Variants in GPR55 observed in about 807,000 individuals in gnomAD.
GPR55 encodes the protein G protein-coupled receptor 55.
A neutral mutation model predicts 7.9 loss-of-function variants in GPR55; 6 were observed. The observed-to-expected ratio is 0.76, with a 90% CI of 0.41 to 1.49. The LOEUF is 1.49. Ranked by LOEUF, GPR55 falls within the 40% of genes most tolerant of loss-of-function variation. The pLI, the probability that GPR55 is intolerant of heterozygous loss-of-function variation, is 0.01. For synonymous variants in GPR55, 183 were observed against 166.8 expected (o/e 1.10, Z -0.75); for missense variants, 376 against 406.0 (o/e 0.93, Z 0.63).
At position 230,909,882 on chromosome 2, in the gene GPR55, A is replaced by G. The variant is rs911887128; in HGVS notation, c.*121T>C. 36 of 1,043,870 alleles carry G rather than the reference A, an allele frequency of 3.4e-5. No homozygotes were observed. Among genetic ancestry groups the G allele is most frequent in the Non-Finnish European group, 3.5e-5 (25 of 705,126 alleles). 64.7% of individuals were successfully genotyped at this position (1,043,870 alleles called of 1,614,324 possible). ...CAAAGCTGGCACTCAATGGGCATCA[A>G]AGGGAAGCACATCAGTGAAGATGGT... On this transcript the variant is annotated 3_prime_UTR_variant, in exon 2 of 2. Coordinates refer to ENST00000650999, the MANE Select transcript of GPR55 (RefSeq NM_005683.4).
chr2:230,960,267 ACT>A (rs1691548055), intron 1 of GPR55, among the ~76,000 whole-genome samples: 1 of 152,214 alleles, frequency 6.6e-6, no homozygotes, highest in Admixed American at 6.5e-5. Context: ...ACAGGAAACA[ACT>A]TTTTAGACTG....
intron 1 of GPR55, among the ~76,000 whole-genome samples, chr2:230,958,663 T>C (rs1369045394): frequency 6.6e-6 from 1 of 152,194 alleles, no homozygotes; most frequent in Non-Finnish European, 1.5e-5. Context: ...ACATGCAATG[T>C]TTGTCTTTTA....
upstream of GPR55, among the ~76,000 whole-genome samples, chr2:230,926,570 C>A (rs1690946114): frequency 3.3e-5 from 5 of 152,296 alleles, no homozygotes; most frequent in South Asian, 1.0e-3. Context: ...TACCCAGAGC[C>A]TGCAATGTGA....
intron 1 of GPR55, among the ~76,000 whole-genome samples, chr2:230,952,448 C>T (rs1398839016): frequency 5.3e-5 from 8 of 152,214 alleles, no homozygotes; most frequent in South Asian, 2.1e-4. Context: ...CACAGCCCTC[C>T]GTGGGATGTC....
At chr2:230,959,390 A>G (rs1343075604) in intron 1 of GPR55, among the ~76,000 whole-genome samples, 2 of 152,152 alleles carry the variant, frequency 1.3e-5, no homozygotes, top group African/African-American at 4.8e-5. Flanking sequence ...TCAAGGCTGC[A>G]GTGAGCTGTG....
upstream of GPR55, among the ~76,000 whole-genome samples, chr2:230,928,251 G>C (rs1455475624): frequency 6.6e-6 from 1 of 152,172 alleles, no homozygotes. Flanking sequence ...GGGTTGGGTT[G>C]GGATGAGGGC....
Position 230,910,162 on chromosome 2 carries a change from G to T in GPR55, c.801C>A (p.Ser267Arg). 1 of 1,614,018 alleles carries T rather than the reference G, an allele frequency of 6.2e-7. No individual in the cohort carries two copies. Among genetic ancestry groups the T allele is most frequent in the Non-Finnish European group, 8.5e-7 (1 of 1,179,860 alleles). ...AACACATGGACAATTGCAAGAAGAA[G>T]CTGATGCTCTGCTTGGCTCTGCACT... Reference protein sequence around the residue: ...IVECRAKQSISFFLQLSMCFS... With the variant: ...IVECRAKQSIRFFLQLSMCFS... Residue 267 changes from serine to arginine, a missense_variant, in exon 2 of 2, where the codon AGC (serine) becomes AGA (arginine). By Grantham distance (110) the Ser-to-Arg change is moderately radical (BLOSUM62 -1). Transcript: ENST00000650999. This position sits in a 1 kb window ranked among gnomAD's most constrained non-coding sequence, Gnocchi z 5.4.
chr2:230,949,032 G>A (rs1186617312), intron 1 of GPR55, among the ~76,000 whole-genome samples: 1 of 152,170 alleles, frequency 6.6e-6, no homozygotes, highest in African/African-American at 2.4e-5. Flanking sequence ...TGGTGCCACC[G>A]CACTCCAGCC....
intron 1 of GPR55, among the ~76,000 whole-genome samples, chr2:230,955,135 T>G (rs2125071442): frequency 6.6e-6 from 1 of 152,376 alleles, no homozygotes; most frequent in East Asian, 1.9e-4. Flanking sequence ...CATATACCAT[T>G]TCTGTGAAAT....
At chr2:230,953,429 GA>G (rs1691434838) in intron 1 of GPR55, among the ~76,000 whole-genome samples, 1 of 152,156 alleles carries the variant, frequency 6.6e-6, no homozygotes, top group African/African-American at 2.4e-5. Context: ...TACTGGGTTT[GA>G]AGACGGAAGA....
intron 1 of GPR55, among the ~76,000 whole-genome samples, chr2:230,954,153 C>T (rs1691444848): frequency 6.6e-6 from 1 of 152,248 alleles, no homozygotes; most frequent in Non-Finnish European, 1.5e-5. Flanking sequence ...GCTATGCAGC[C>T]CCGTAATCGT....
intron 1 of GPR55, among the ~76,000 whole-genome samples, chr2:230,954,449 C>A (rs73995430): frequency 0.037 from 5,704 of 152,202 alleles, 275 homozygotes; most frequent in African/African-American, 0.12. Flanking sequence ...TGCCACTGGC[C>A]GAAGCCTCCC....
At chr2:230,916,674 G>T (rs760000414) in intron 1 of GPR55, among the ~76,000 whole-genome samples, 17 of 152,074 alleles carry the variant, frequency 1.1e-4, no homozygotes, top group Non-Finnish European at 2.5e-4. Context: ...GAAGCAAAAG[G>T]CTCTATTGCT....
chr2:230,921,457 A>G (rs954626746), intron 1 of GPR55, among the ~76,000 whole-genome samples: 5 of 152,206 alleles, frequency 3.3e-5, no homozygotes, highest in Non-Finnish European at 7.3e-5. Context: ...TCGGACCACA[A>G]AGAAAATAGC....
chr2:230,946,205 T>C (rs1331175394), intron 1 of GPR55, among the ~76,000 whole-genome samples: 3 of 152,120 alleles, frequency 2.0e-5, no homozygotes, highest in African/African-American at 7.2e-5. Flanking sequence ...TGCCAGGGGC[T>C]GGAGGGCTAG....
intron 1 of GPR55, among the ~76,000 whole-genome samples, chr2:230,940,605 C>T (rs1039507413): frequency 1.4e-4 from 22 of 152,300 alleles, no homozygotes; most frequent in Non-Finnish European, 2.8e-4. Flanking sequence ...ACCCTGTGCC[C>T]TGTTTGTGAG....
At chr2:230,957,910 C>A in intron 1 of GPR55, 1 of 504,884 alleles carries the variant, frequency 2.0e-6, no homozygotes, top group Non-Finnish European at 3.9e-6. Flanking sequence ...AAGTACCCAT[C>A]TTGATCCTGA....
In GPR55 at chr2:230,938,676, C is replaced by T. The variant is rs7601148; in HGVS notation, c.-135+22099G>A. On this transcript the variant is annotated intron_variant, in intron 1 of 1. Transcript: ENST00000392039. ...GAGGCTGTCCTGGAGGCTGGAGCAG[C>T]GGGCAGGGCAAGGCTGGAGGAGGCT... 2.4e-3 allele frequency among the ~76,000 whole-genome samples: 358 copies of T among 152,194 alleles called. 3 individuals carry two copies. Among genetic ancestry groups the T allele is most frequent in the Admixed American group, 6.1e-3 (94 of 15,304 alleles).
chr2:230,940,242 G>A (rs749100264), intron 1 of GPR55, among the ~76,000 whole-genome samples: 4 of 152,122 alleles, frequency 2.6e-5, no homozygotes, highest in African/African-American at 4.8e-5. Context: ...TCTCAGTGGG[G>A]GCGGCGCTTA....
Sources: allele counts gnomAD v4.1 joint callset (sites outside exome capture counted in the v4.1 genomes callset), GRCh38; gene constraint gnomAD v4.1.1; non-coding constraint Gnocchi (gnomAD v3.1); transcripts MANE v1.5; gene names NCBI Gene and HGNC (gene_info 2026-07-23, HGNC 2026-07-21).